Variants in GCAT observed in about 807,000 individuals in gnomAD.
GCAT encodes the protein 2-amino-3-ketobutyrate coenzyme A ligase, mitochondrial.
Under a neutral mutation model 39.7 loss-of-function variants are expected in GCAT, and 26 were observed. That is an observed-to-expected ratio of 0.65 (90% CI 0.48 to 0.91). The LOEUF (loss-of-function observed/expected upper bound fraction) is 0.91. Among genes scored for constraint, GCAT ranks in the 40% least tolerant of loss-of-function variants. The pLI is 0.00. For missense variants in GCAT, 550 were observed against 576.2 expected (o/e 0.95, Z 0.47); for synonymous variants, 218 against 237.2 (o/e 0.92, Z 0.74).
At position 37,816,287 on chromosome 22, in the gene GCAT, G is replaced by T. The variant is rs904937965; in HGVS notation, c.1074G>T (p.Leu358=). 1 of 1,612,784 alleles carries T rather than the reference G, an allele frequency of 6.2e-7. No homozygotes were observed. The highest frequency in any genetic ancestry group is 8.5e-7 in the Non-Finnish European group (1 of 1,180,002). Residue 358 remains leucine (L), a synonymous_variant, in exon 8 of 9, where the codon CTG becomes CTT. Coordinates refer to ENST00000248924, the MANE Select transcript of GCAT (RefSeq NM_014291.4). ...ICPVMLGDAR[L]ASRMADDMLK... ...CTGTGATGCTGGGTGATGCCCGGCTGGCCTCTCGCATGGCGGATGACATGC... is the reference window on the plus strand; with the variant it reads ...CTGTGATGCTGGGTGATGCCCGGCTTGCCTCTCGCATGGCGGATGACATGC...
In GCAT at chr22:37,808,027, A is replaced by G. The variant is rs1465969763; in HGVS notation, c.60A>G (p.Ala20=). Reference sequence around the variant, plus strand: ...TCTGGGTGCCCCGCGGCCGCCGCGCACAGTCAGCGCTGGCCCAGCTGCGTG... The same window carrying G: ...TCTGGGTGCCCCGCGGCCGCCGCGCGCAGTCAGCGCTGGCCCAGCTGCGTG... ...ALFWVPRGRR[A]QSALAQLRGI... is the part of the protein sequence containing the mutation. The change falls in exon 1 of 9, where the codon GCA becomes GCG. Residue 20 remains alanine (A), a synonymous_variant. Transcript: ENST00000248924. 35 of 1,549,880 alleles carry G rather than the reference A, an allele frequency of 2.3e-5. No individual in the cohort carries two copies. The highest frequency in any genetic ancestry group is 3.0e-5 in the Non-Finnish European group (34 of 1,148,582).
At position 37,815,274 on chromosome 22, in the gene GCAT, C is replaced by T; in HGVS notation, c.725C>T (p.Thr242Ile). Residue 242 changes from threonine (T) to isoleucine (I), a missense_variant, in exon 5 of 9, where the codon ACA becomes ATA. Coordinates refer to ENST00000248924, the MANE Select transcript of GCAT (RefSeq NM_014291.4). ...CATGCCACTGGCTTCCTGGGGCCCA[C>T]AGGACGGTGGGACCATGTGGCACCT... ...ECHATGFLGP[T>I]GRGTDELLGV... 1 of 1,613,606 alleles carries T rather than the reference C, an allele frequency of 6.2e-7. No homozygotes were observed. The highest frequency in any genetic ancestry group is 8.5e-7 in the Non-Finnish European group (1 of 1,179,800).
At chr22:37,814,521 C>T (rs1921946203) in intron 4 of GCAT, among the ~76,000 whole-genome samples, 1 of 152,178 alleles carries the variant, frequency 6.6e-6, no homozygotes, top group African/African-American at 2.4e-5. Flanking sequence ...TCTCAGCCTC[C>T]CAAAGTGTTG....
In GCAT at chr22:37,815,739, T is replaced by C; in HGVS notation, c.891T>C (p.Ser297=). ...QRARPYLFSN[S]LPPAVVGCAS... ...CCCGGCCATACCTCTTCTCCAACAG[T>C]CTGCCACCTGCTGTCGTTGGCTGCG... The change falls in exon 7 of 9, where the codon AGT becomes AGC. Residue 297 remains serine, a synonymous_variant. Coordinates refer to ENST00000248924, the MANE Select transcript of GCAT (RefSeq NM_014291.4). 1 of 1,613,780 alleles carries C rather than the reference T, an allele frequency of 6.2e-7. No homozygotes were observed. Among genetic ancestry groups the C allele is most frequent in the Non-Finnish European group, 8.5e-7 (1 of 1,179,886 alleles).
At chr22:37,816,982 AGGCG>A, downstream of GCAT, 7 of 419,936 alleles carry the variant, frequency 1.7e-5, no homozygotes, top group South Asian at 6.1e-5. Flanking sequence ...CTCTGAGGGG[AGGCG>A]CCTGAGGACT....
intron 7 of GCAT, 136 bp from the exon 8 acceptor site, chr22:37,816,064 T>C: frequency 8.7e-7 from 1 of 1,148,652 alleles, no homozygotes; most frequent in Non-Finnish European, 1.2e-6. Flanking sequence ...GGCTCCCCTC[T>C]GCCTCTTAGA....
chr22:37,809,367 A>G (rs1921318506), intron 1 of GCAT, among the ~76,000 whole-genome samples: 1 of 152,090 alleles, frequency 6.6e-6, no homozygotes, highest in African/African-American at 2.4e-5. Context: ...AGCAAAGTAA[A>G]CTGTGGAGTT....
At chr22:37,809,824 A>C in intron 1 of GCAT, 2 of 665,040 alleles carry the variant, frequency 3.0e-6, no homozygotes, top group Non-Finnish European at 2.6e-6. Context: ...TGTCTCAAAA[A>C]AAAAAAAGTT....
chr22:37,808,810 C>T (rs901923511), intron 1 of GCAT, among the ~76,000 whole-genome samples: 17 of 152,332 alleles, frequency 1.1e-4, no homozygotes, highest in African/African-American at 3.8e-4. Context: ...CCTCAGCCTC[C>T]CAAGTAGCTG....
chr22:37,814,424 C>A lies in GCAT; in HGVS notation c.577-702C>A, dbSNP rs976885576. Among the ~76,000 whole-genome samples the A allele has an allele frequency of 3.9e-5, 6 of 152,082 alleles. No individual in the cohort carries two copies. In the East Asian group the frequency reaches 1.2e-3, roughly 29 times the overall value. Reference sequence around the variant, plus strand: ...GATTACAGGCACACACCACCGTGCTCAGCTAATTTTCTATTTTTAGTAGAG... The same window carrying A: ...GATTACAGGCACACACCACCGTGCTAAGCTAATTTTCTATTTTTAGTAGAG... On this transcript the variant is annotated intron_variant, in intron 4 of 8. Coordinates refer to ENST00000248924, the MANE Select transcript of GCAT (RefSeq NM_014291.4).
chr22:37,810,807 A>G (rs1921504105), intron 2 of GCAT, among the ~76,000 whole-genome samples: 1 of 151,588 alleles, frequency 6.6e-6, no homozygotes, highest in Non-Finnish European at 1.5e-5. Context: ...GAGCCACCGC[A>G]CTCGGCCTAA....
chr22:37,809,648 C>T (rs766745079), intron 1 of GCAT, among the ~76,000 whole-genome samples: 1 of 151,912 alleles, frequency 6.6e-6, no homozygotes, highest in Non-Finnish European at 1.5e-5. Flanking sequence ...AATGAGACCC[C>T]ATCTCTACAA....
Position 37,816,299 on chromosome 22 carries a change from G to A in GCAT, c.1086G>A (p.Met362Ile), listed in dbSNP as rs1922189222. 6.2e-7 allele frequency: 1 copy of A among 1,612,168 alleles called. No homozygotes were observed. Among genetic ancestry groups the A allele is most frequent in the Non-Finnish European group, 8.5e-7 (1 of 1,180,010 alleles). Residue 362 changes from methionine (M) to isoleucine (I), a missense_variant, in exon 8 of 9, where the codon ATG becomes ATA. By Grantham distance (10) the Met-to-Ile change is conservative. This residue lies in a region of GCAT where 378 missense variants were observed against 390.4 expected (regional missense o/e 0.97). Transcript: ENST00000248924. ...GTGATGCCCGGCTGGCCTCTCGCAT[G>A]GCGGATGACATGCTGAAGAGAGGTA... The part of the protein sequence containing the change: ...MLGDARLASR[M>I]ADDMLKRGIF...
chr22:37,809,743 C>G (rs1601692997), intron 1 of GCAT, among the ~76,000 whole-genome samples: 2 of 152,172 alleles, frequency 1.3e-5, no homozygotes, highest in East Asian at 3.9e-4. Flanking sequence ...TTGCTTGAGC[C>G]TGGGAGGTTG....
chr22:37,816,109 C>G (rs1157195785), intron 7 of GCAT, 91 bp from the exon 8 acceptor site: 4 of 1,470,298 alleles, frequency 2.7e-6, no homozygotes, highest in Non-Finnish European at 3.7e-6. Context: ...TTCTTGCAGA[C>G]TTGGGCATAG....
chr22:37,811,929 AGTTGCTATTCTT>A (rs1921647348), intron 2 of GCAT, among the ~76,000 whole-genome samples: 1 of 151,230 alleles, frequency 6.6e-6, no homozygotes, highest in South Asian at 2.1e-4. Flanking sequence ...CCTAAGTGAT[AGTTGCTATTCTT>A]ATTCCCGCTA....
chr22:37,816,151 G>A (rs200715321), intron 7 of GCAT, 49 bp from the exon 8 acceptor site: 7 of 1,598,798 alleles, frequency 4.4e-6, no homozygotes, highest in East Asian at 4.5e-5. Context: ...AGGAGCGGGT[G>A]TGAATGCTCC....
chr22:37,815,446 G>T lies in GCAT; in HGVS notation c.760G>T (p.Asp254Tyr). 1 of 1,610,628 alleles carries T rather than the reference G, an allele frequency of 6.2e-7. No individual in the cohort carries two copies. The highest frequency in any genetic ancestry group is 8.5e-7 in the Non-Finnish European group (1 of 1,178,998). Residue 254 changes from aspartate (D) to tyrosine (Y), a missense_variant, in exon 6 of 9, where the codon GAC becomes TAC. Transcript: ENST00000248924. Reference protein sequence around the residue: ...RGTDELLGVMDQVTIINSTLG... With the variant: ...RGTDELLGVMYQVTIINSTLG... ...CACAGATGAGCTGCTGGGTGTGATG[G>T]ACCAGGTCACCATCATCAACTCCAC...
chr22:37,810,235 C>A, intron 2 of GCAT, 78 bp downstream of exon 2: 1 of 1,034,760 alleles, frequency 9.7e-7, no homozygotes, highest in Non-Finnish European at 1.5e-6. Context: ...CTGGTTTAGC[C>A]AGCTCAGCTC....
Sources: allele counts gnomAD v4.1 joint callset (sites outside exome capture counted in the v4.1 genomes callset), GRCh38; gene constraint gnomAD v4.1.1; regional missense constraint gnomAD v4.1.1; transcripts MANE v1.5; gene names NCBI Gene and HGNC (gene_info 2026-07-23, HGNC 2026-07-21).